Variants in TRPM2 observed in about 807,000 individuals in gnomAD.
TRPM2 encodes transient receptor potential cation channel subfamily M member 2, also known as estrogen-responsive element-associated gene 1 protein.
TRPM2 carries 161 observed loss-of-function variants against 174.0 expected under a neutral mutation model. The observed-to-expected ratio is 0.93, with a 90% CI of 0.81 to 1.05. The LOEUF is 1.05. Among genes scored for constraint, TRPM2 ranks in the 50% least tolerant of loss-of-function variants. TRPM2 has a pLI of 0.00. For missense variants in TRPM2, 2,057 were observed against 2,038.0 expected (o/e 1.01, Z -0.18); for synonymous variants, 954 against 861.3 (o/e 1.11, Z -1.88).
intron 7 of TRPM2, among the ~76,000 whole-genome samples, chr21:44,378,479 A>C (rs918009828): frequency 6.6e-6 from 1 of 152,150 alleles, no homozygotes; most frequent in Non-Finnish European, 1.5e-5. Flanking sequence ...CTCACTCCCT[A>C]TGCGTGCCGA....
At chr21:44,398,479 G>C (rs1411449800) in intron 13 of TRPM2, among the ~76,000 whole-genome samples, 1 of 152,148 alleles carries the variant, frequency 6.6e-6, no homozygotes, top group Non-Finnish European at 1.5e-5. Context: ...GGGATTACAG[G>C]CGTGAACCAC....
intron 12 of TRPM2, among the ~76,000 whole-genome samples, chr21:44,397,195 C>T (rs1033748475): frequency 2.0e-5 from 3 of 151,974 alleles, no homozygotes; most frequent in Non-Finnish European, 4.4e-5. Flanking sequence ...TGTGCCACCA[C>T]GCCTGGCTAA....
chr21:44,371,060 T>C (rs2048524870), intron 5 of TRPM2, among the ~76,000 whole-genome samples: 1 of 152,208 alleles, frequency 6.6e-6, no homozygotes, highest in Non-Finnish European at 1.5e-5. Context: ...ACTTAGTCTA[T>C]CAGATCTGGA....
At chr21:44,406,906 G>T (rs2049905329) in intron 19 of TRPM2, 141 bp downstream of exon 19, 7 of 1,152,110 alleles carry the variant, frequency 6.1e-6, no homozygotes, top group Non-Finnish European at 8.4e-6. Context: ...CCTCCCTGGG[G>T]GCATTCATTC....
chr21:44,397,328 C>T (rs559724549), intron 12 of TRPM2, among the ~76,000 whole-genome samples: 5 of 152,200 alleles, frequency 3.3e-5, no homozygotes, highest in East Asian at 3.9e-4. Flanking sequence ...TAAGCCACTG[C>T]ATCCGGCCCA....
chr21:44,419,437 T>G (rs1181453089), intron 22 of TRPM2, among the ~76,000 whole-genome samples: 1 of 151,762 alleles, frequency 6.6e-6, no homozygotes, highest in African/African-American at 2.4e-5. Flanking sequence ...CTGTAAAGAA[T>G]TGAGCACATA....
At chr21:44,362,225 C>T (rs1231989490) in intron 2 of TRPM2, among the ~76,000 whole-genome samples, 1 of 151,896 alleles carries the variant, frequency 6.6e-6, no homozygotes, top group Non-Finnish European at 1.5e-5. Context: ...GAAATGAGGG[C>T]CGGGCATGGT....
intron 2 of TRPM2, among the ~76,000 whole-genome samples, chr21:44,355,911 C>G (rs2048045491): frequency 6.6e-6 from 1 of 151,362 alleles, no homozygotes; most frequent in Admixed American, 6.6e-5. Context: ...AATCTCATAT[C>G]AAGTCACTGA....
intron 19 of TRPM2, among the ~76,000 whole-genome samples, chr21:44,412,258 A>G (rs920175504): frequency 2.6e-5 from 4 of 152,110 alleles, no homozygotes; most frequent in African/African-American, 9.7e-5. Flanking sequence ...TAACTTACTA[A>G]TTCAATCTCT....
At position 44,367,453 on chromosome 21, in the gene TRPM2, C is replaced by G. The variant is rs188345301; in HGVS notation, c.604+519C>G. Reference sequence around the variant, plus strand: ...TCCATCTCTTCACTTAAGGCAACTGCCTGGTTGGAGTCAAATCACCTCCCA... The same window carrying G: ...TCCATCTCTTCACTTAAGGCAACTGGCTGGTTGGAGTCAAATCACCTCCCA... On this transcript the variant is annotated intron_variant, in intron 4 of 31. Transcript: ENST00000397928. The surrounding 1 kb of genome is among the most constrained non-coding windows in gnomAD (Gnocchi z 4.6). 9.0e-4 allele frequency among the ~76,000 whole-genome samples: 137 copies of G among 152,326 alleles called. 1 individual carries two copies. The highest frequency in any genetic ancestry group is 3.2e-3 in the African/African-American group (134 of 41,578).
At chr21:44,370,224 G>C (rs952198368) in intron 5 of TRPM2, among the ~76,000 whole-genome samples, 2 of 152,112 alleles carry the variant, frequency 1.3e-5, no homozygotes, top group Non-Finnish European at 2.9e-5. Flanking sequence ...GCTGGGTGGG[G>C]CTGAGCCAGG....
intron 30 of TRPM2, among the ~76,000 whole-genome samples, chr21:44,440,428 T>C (rs2051457373): frequency 6.7e-6 from 1 of 148,796 alleles, no homozygotes; most frequent in African/African-American, 2.5e-5. Context: ...CCCCAGCTCC[T>C]CCCCAGCACT....
At chr21:44,404,486 G>A (rs2049791611) in intron 16 of TRPM2, among the ~76,000 whole-genome samples, 1 of 152,214 alleles carries the variant, frequency 6.6e-6, no homozygotes, top group African/African-American at 2.4e-5. Context: ...TGAGCAGGGG[G>A]CCGAGGTAGC....
upstream of TRPM2, chr21:44,353,408 G>T: frequency 3.8e-6 from 1 of 264,048 alleles, no homozygotes. Flanking sequence ...CATTATGAAC[G>T]GCCGCTGGGA....
rs2048381299 is a variant in TRPM2, at chr21:44,366,956, C to T, written c.604+22C>T. ...ACAGGTAACTCGGAGGCTGGAGGGA[C>T]ACGAGGCCCCGGCGGGTGGGGTGGG... On this transcript the variant is annotated intron_variant, in intron 4 of 31. Coordinates refer to ENST00000397928, the MANE Select transcript of TRPM2 (RefSeq NM_003307.4). This position sits in a 1 kb window ranked among gnomAD's most constrained non-coding sequence, Gnocchi z 6.0. The T allele has an allele frequency of 4.5e-6, 7 of 1,554,278 alleles. No individual in the cohort carries two copies. The East Asian group carries it at 1.6e-4, about 35-fold the overall frequency.
intron 15 of TRPM2, 101 bp from the exon 16 acceptor site, chr21:44,401,580 C>A: frequency 1.6e-6 from 2 of 1,255,994 alleles, no homozygotes; most frequent in Non-Finnish European, 2.3e-6. Flanking sequence ...AAAAGCACAT[C>A]TCTCTGAGGG....
In TRPM2 at chr21:44,369,312, T is replaced by C. The variant is rs971481296; in HGVS notation, c.740T>C (p.Val247Ala). 1 of 1,613,336 alleles carries C rather than the reference T, an allele frequency of 6.2e-7. No individual in the cohort carries two copies. Among genetic ancestry groups the C allele is most frequent in the East Asian group, 2.2e-5 (1 of 44,880 alleles). Residue 247 changes from valine (V) to alanine (A), a missense_variant, in exon 5 of 32, where the codon GTC (valine) becomes GCC (alanine). Coordinates refer to ENST00000397928, the MANE Select transcript of TRPM2 (RefSeq NM_003307.4). ...ITIGVATWGT[V>A]HRREGLIHPT... ...ATCGGAGTCGCCACCTGGGGCACTG[T>C]CCACCGCCGCGAGGGCCTGATCCAT...
Position 44,406,699 on chromosome 21 carries a change from C to G in TRPM2, c.2896C>G (p.Leu966Val), listed in dbSNP as rs541387140. 1 of 1,609,374 alleles carries G rather than the reference C, an allele frequency of 6.2e-7. No individual in the cohort carries two copies. The highest frequency in any genetic ancestry group is 1.7e-5 in the Admixed American group (1 of 59,474). Reference protein sequence around the residue: ...LIHNERRVDWLFRGAVYHSYL... With the variant: ...LIHNERRVDWVFRGAVYHSYL... ...CCACAACGAGCGCCGGGTGGACTGG[C>G]TGTTCCGAGGGGCCGTCTACCACTC... The change falls in exon 19 of 32, where the codon CTG (leucine) becomes GTG (valine). Residue 966 changes from leucine to valine, a missense_variant. Physicochemically the swap from Leu to Val is conservative, Grantham distance 32 (BLOSUM62 1). Coordinates refer to ENST00000397928, the MANE Select transcript of TRPM2 (RefSeq NM_003307.4).
intron 9 of TRPM2, among the ~76,000 whole-genome samples, chr21:44,385,302 G>T (rs2048987967): frequency 6.6e-6 from 1 of 152,166 alleles, no homozygotes; most frequent in Admixed American, 6.5e-5. Context: ...AAAACTCCCA[G>T]CGAATATCAT....
Sources: gnomAD v4.1 joint callset for allele counts (sites outside exome capture counted in the v4.1 genomes callset) on GRCh38, gnomAD v4.1.1 for gene constraint, Gnocchi (gnomAD v3.1) non-coding constraint, MANE v1.5 for transcripts, NCBI Gene and HGNC (gene_info 2026-07-23, HGNC 2026-07-21) for gene names.